Variants in LUC7L2 observed in about 807,000 individuals in gnomAD.
The protein encoded by LUC7L2 is LUC7 like 2, pre-mRNA splicing factor.
LUC7L2 carries 25 observed loss-of-function variants against 52.8 expected under a neutral mutation model. That is an observed-to-expected ratio of 0.47 (90% confidence interval 0.34 to 0.66). The LOEUF (loss-of-function observed/expected upper bound fraction) is 0.66, where lower values mean the gene tolerates loss of function less well. Ranked by LOEUF, LUC7L2 falls within the 30% of genes least tolerant of loss-of-function variation. The probability of loss-of-function intolerance (pLI) is 0.01; values close to 1 mark genes in which losing one functional copy is unlikely to be tolerated. For missense variants in LUC7L2, 328 were observed against 497.8 expected (o/e 0.66, Z 3.25); for synonymous variants, 144 against 160.9 (o/e 0.89, Z 0.80).
intron 1 of LUC7L2, among the ~76,000 whole-genome samples, chr7:139,361,458 T>TA (rs530427570): frequency 2.6e-5 from 4 of 152,262 alleles, no homozygotes; most frequent in Non-Finnish European, 4.4e-5. Context: ...GAGTAAATTT[T>TA]AAAAATTTTA....
At chr7:139,419,594 C>G (rs1389000794) in intron 9 of LUC7L2, among the ~76,000 whole-genome samples, 1 of 152,138 alleles carries the variant, frequency 6.6e-6, no homozygotes, top group Non-Finnish European at 1.5e-5. Flanking sequence ...CAAATCTGCC[C>G]AACTGTCATT....
chr7:139,388,724 C>G (rs1794309603), intron 2 of LUC7L2, among the ~76,000 whole-genome samples: 1 of 150,824 alleles, frequency 6.6e-6, no homozygotes, highest in Non-Finnish European at 1.5e-5. Context: ...GACATTTTCC[C>G]TCATAGATCA....
intron 9 of LUC7L2, among the ~76,000 whole-genome samples, chr7:139,419,502 TA>T (rs930830167): frequency 6.6e-6 from 1 of 152,266 alleles, no homozygotes; most frequent in African/African-American, 2.4e-5. Flanking sequence ...AAGCATTTTT[TA>T]AAAGTTACCT....
chr7:139,398,864 T>A (rs1794774870), intron 3 of LUC7L2, among the ~76,000 whole-genome samples, 167 bp downstream of exon 3: 1 of 152,154 alleles, frequency 6.6e-6, no homozygotes, highest in Non-Finnish European at 1.5e-5. Flanking sequence ...CTTTTAAAAA[T>A]ATGAGGTGAG....
In LUC7L2 at chr7:139,376,084, C is replaced by T. The variant is rs1335841051; in HGVS notation, c.84C>T (p.Ile28=). 2 of 1,613,802 alleles carry T rather than the reference C, an allele frequency of 1.2e-6. No individual in the cohort carries two copies. Among genetic ancestry groups the T allele is most frequent in the African/African-American group, 2.7e-5 (2 of 75,042 alleles). Residue 28 remains isoleucine (I), a synonymous_variant, in exon 2 of 10, where the codon ATC becomes ATT. Coordinates refer to ENST00000354926, the MANE Select transcript of LUC7L2 (RefSeq NM_016019.5). ...CAGGAGATACAACTCGTCAACGAAT[C>T]AAATTCAGTGATGACAGAGTATGCA... The part of the protein sequence containing the change: ...SRDGDTTRQR[I]KFSDDRVCKS...
At chr7:139,375,490 C>T in intron 1 of LUC7L2, 1 of 985,502 alleles carries the variant, frequency 1.0e-6, no homozygotes, top group Non-Finnish European at 1.2e-6. Flanking sequence ...ATTCTACCCT[C>T]TCTAACTCCT....
Position 139,360,018 on chromosome 7 carries a change from C to G in LUC7L2, c.-244C>G, listed in dbSNP as rs1297505010. On this transcript the variant is annotated 5_prime_UTR_variant, in exon 1 of 10. Transcript: ENST00000354926. ...GCCCGTGTCGCTTCTGTCCCAAGAA[C>G]CGGACGGAGAGTGAGGGCACGAGGG... 5 of 509,834 alleles carry G rather than the reference C, an allele frequency of 9.8e-6. No homozygotes were observed. In the South Asian group the frequency reaches 1.0e-4, roughly 10 times the overall value. The allele number at this position is 509,834 out of a possible 1,614,324, so 31.6% of individuals were successfully genotyped here.
chr7:139,393,817 T>A (rs1011280593), intron 2 of LUC7L2, among the ~76,000 whole-genome samples: 1 of 152,316 alleles, frequency 6.6e-6, no homozygotes, highest in Middle Eastern at 3.4e-3. Flanking sequence ...GTCATCATGG[T>A]ATGGACAGAG....
At chr7:139,345,381 A>C in intron 1 of LUC7L2, 1 of 1,415,562 alleles carries the variant, frequency 7.1e-7, no homozygotes, top group African/African-American at 1.4e-5. Flanking sequence ...ATATACATAC[A>C]TGTCTGTATT....
chr7:139,363,710 C>G (rs1799994447), intron 1 of LUC7L2, among the ~76,000 whole-genome samples: 1 of 152,042 alleles, frequency 6.6e-6, no homozygotes, highest in South Asian at 2.1e-4. Context: ...CATATTCATT[C>G]TATTTGAAAG....
At chr7:139,405,349 A>G (rs1348016207) in intron 4 of LUC7L2, among the ~76,000 whole-genome samples, 1 of 152,180 alleles carries the variant, frequency 6.6e-6, no homozygotes, top group Non-Finnish European at 1.5e-5. Flanking sequence ...TGGTTTAGAA[A>G]AGTACAAAGG....
At chr7:139,368,423 A>G (rs1026643868) in intron 1 of LUC7L2, among the ~76,000 whole-genome samples, 10 of 152,338 alleles carry the variant, frequency 6.6e-5, no homozygotes, top group African/African-American at 9.6e-5. Context: ...GTTATTTCGT[A>G]TATTTCTGTC....
chr7:139,349,625 C>G (rs556614471), intron 1 of LUC7L2, among the ~76,000 whole-genome samples: 4,671 of 143,254 alleles, frequency 0.033, 111 homozygotes, highest in Non-Finnish European at 0.053. Context: ...CCCCCCCCCC[C>G]CACCGGATTT....
At chr7:139,388,001 A>T (rs1794279908) in intron 2 of LUC7L2, among the ~76,000 whole-genome samples, 1 of 151,792 alleles carries the variant, frequency 6.6e-6, no homozygotes, top group Non-Finnish European at 1.5e-5. Context: ...TTTTGTTTAC[A>T]CTCTTTTCTT....
intron 1 of LUC7L2, among the ~76,000 whole-genome samples, chr7:139,373,234 A>C (rs1017890636): frequency 6.6e-6 from 1 of 152,224 alleles, no homozygotes; most frequent in Non-Finnish European, 1.5e-5. Context: ...AATAAGCCCA[A>C]ATAAATTTGT....
intron 4 of LUC7L2, 121 bp from the exon 5 acceptor site, chr7:139,405,523 A>G: frequency 7.9e-7 from 1 of 1,262,152 alleles, no homozygotes; most frequent in South Asian, 1.7e-5. Context: ...ACGCTCAGAA[A>G]GCATTCTTTA....
intron 1 of LUC7L2, chr7:139,375,072 T>C: frequency 1.0e-6 from 1 of 983,428 alleles, no homozygotes; most frequent in Non-Finnish European, 1.2e-6. Context: ...ACACCTACAT[T>C]TCTTAGGGCT....
At chr7:139,405,514 C>A in intron 4 of LUC7L2, 130 bp from the exon 5 acceptor site, 1 of 1,176,824 alleles carries the variant, frequency 8.5e-7, no homozygotes. Flanking sequence ...ATTTGGGATA[C>A]GCTCAGAAAG....
chr7:139,358,003 T>C (rs996883719), upstream of LUC7L2, among the ~76,000 whole-genome samples: 8 of 151,010 alleles, frequency 5.3e-5, no homozygotes, highest in Non-Finnish European at 8.8e-5. Flanking sequence ...AAAATTTTCA[T>C]TGGCCCAATA....
Sources: allele counts gnomAD v4.1 joint callset (sites outside exome capture counted in the v4.1 genomes callset), GRCh38; gene constraint gnomAD v4.1.1; transcripts MANE v1.5; gene names NCBI Gene and HGNC (gene_info 2026-07-23, HGNC 2026-07-21).